Variants in IRAG2 observed in about 807,000 individuals in gnomAD.
IRAG2 encodes lymphoid restricted membrane protein.
Under a neutral mutation model 69.9 loss-of-function variants are expected in IRAG2, and 45 were observed. The observed-to-expected ratio is 0.64, with a 90% CI of 0.51 to 0.83. The LOEUF (loss-of-function observed/expected upper bound fraction) is 0.83, where lower values mean the gene tolerates loss of function less well. Ranked by LOEUF, IRAG2 falls within the 40% of genes least tolerant of loss-of-function variation. IRAG2 has a pLI of 0.00. For synonymous variants in IRAG2, 193 were observed against 202.4 expected, an observed-to-expected ratio of 0.95 and a Z score of 0.40; for missense variants, 520 against 587.0, an observed-to-expected ratio of 0.89 and a Z score of 1.18.
chr12:25,080,265 A>G (rs1027654190), intron 9 of IRAG2, among the ~76,000 whole-genome samples: 1 of 152,126 alleles, frequency 6.6e-6, no homozygotes, highest in African/African-American at 2.4e-5. Flanking sequence ...TCCCAGTGAG[A>G]CACCACTTTA....
intron 8 of IRAG2, among the ~76,000 whole-genome samples, chr12:25,024,641 G>A (rs1944608289): frequency 6.6e-6 from 1 of 152,150 alleles, no homozygotes; most frequent in African/African-American, 2.4e-5. Flanking sequence ...ATGAAGCTAT[G>A]CAGCACAATC....
upstream of IRAG2, among the ~76,000 whole-genome samples, chr12:25,001,379 G>A (rs1944389881): frequency 6.6e-6 from 1 of 152,094 alleles, no homozygotes; most frequent in Admixed American, 6.5e-5. Context: ...TGGGGAGTTG[G>A]AGGTTGCAAT....
At chr12:25,076,552 C>T in intron 6 of IRAG2, 9 of 984,590 alleles carry the variant, frequency 9.1e-6, no homozygotes, top group Non-Finnish European at 1.1e-5. Context: ...TCTCTTTTCC[C>T]CAAACTGGAA....
chr12:25,052,707 GT>G lies in IRAG2; in HGVS notation c.-692del. On this transcript the variant is annotated 5_prime_UTR_variant, in exon 1 of 22. Coordinates refer to ENST00000556887, the MANE Select transcript of IRAG2 (RefSeq NM_001366544.2). The stretch of plus-strand genomic sequence containing the variant: ...CCCTGAGAAGAAAAACACATTTTCA[GT>G]TTTGCCTGCATCATAAGAGTGAGCA... 1 of 398,134 alleles carries G rather than the reference GT, an allele frequency of 2.5e-6. No homozygotes were observed. Among genetic ancestry groups the G allele is most frequent in the Non-Finnish European group, 4.4e-6 (1 of 226,010 alleles). 24.7% of individuals were successfully genotyped at this position (398,134 alleles called of 1,614,324 possible).
chr12:25,098,561 CAG>C (rs1296156124), intron 15 of IRAG2, among the ~76,000 whole-genome samples: 6 of 152,234 alleles, frequency 3.9e-5, no homozygotes, highest in African/African-American at 1.2e-4. Flanking sequence ...CTAATTTACT[CAG>C]AGTCATGGGA....
At chr12:25,057,458 A>G (rs1307244913) in intron 1 of IRAG2, among the ~76,000 whole-genome samples, 1 of 151,584 alleles carries the variant, frequency 6.6e-6, no homozygotes, top group Non-Finnish European at 1.5e-5. Flanking sequence ...AGGATCTTGC[A>G]GTGTTGCCTA....
At chr12:25,030,932 C>A in intron 10 of IRAG2, 1 of 736,016 alleles carries the variant, frequency 1.4e-6, no homozygotes, top group Non-Finnish European at 1.7e-6. Context: ...ATTTGAAACC[C>A]AATTTGATTG....
intron 1 of IRAG2, among the ~76,000 whole-genome samples, chr12:25,056,896 C>T (rs997344104): frequency 6.6e-6 from 1 of 152,136 alleles, no homozygotes; most frequent in Non-Finnish European, 1.5e-5. Context: ...GGGCCTCCCT[C>T]CCCAGAGTCA....
At chr12:25,054,792 T>G (rs748187310) in intron 1 of IRAG2, among the ~76,000 whole-genome samples, 4 of 152,214 alleles carry the variant, frequency 2.6e-5, no homozygotes, top group Non-Finnish European at 4.4e-5. Context: ...CTTACGATCT[T>G]TCTAACAATG....
intron 3 of IRAG2, among the ~76,000 whole-genome samples, chr12:25,012,889 T>C (rs887319563): frequency 6.6e-6 from 1 of 152,216 alleles, no homozygotes. Flanking sequence ...AGGATTAGGA[T>C]GTATAGATAA....
chr12:25,076,609 T>G (rs540175553), intron 6 of IRAG2: 15 of 983,116 alleles, frequency 1.5e-5, no homozygotes, highest in Admixed American at 6.2e-5. Context: ...TCTTTCATAT[T>G]TCTTAAATAT....
chr12:25,046,000 A>C (rs1256073303), intron 16 of IRAG2, among the ~76,000 whole-genome samples: 1 of 152,110 alleles, frequency 6.6e-6, no homozygotes, highest in Non-Finnish European at 1.5e-5. Context: ...ACAAAAGCAC[A>C]TTGAAAGGCT....
chr12:25,008,600 G>A (rs1041621701), intron 2 of IRAG2, among the ~76,000 whole-genome samples: 5 of 152,132 alleles, frequency 3.3e-5, no homozygotes, highest in Non-Finnish European at 4.4e-5. Flanking sequence ...TTACCCAGGC[G>A]TGGTGGCACA....
chr12:25,004,955 C>G, intron 1 of IRAG2: 1 of 1,142,882 alleles, frequency 8.7e-7, no homozygotes, highest in Non-Finnish European at 1.1e-6. Context: ...TCCAATAGAG[C>G]AATAAACATA....
chr12:25,023,945 G>A, intron 8 of IRAG2: 1 of 1,181,588 alleles, frequency 8.5e-7, no homozygotes, highest in African/African-American at 1.6e-5. Context: ...GTTAAACACT[G>A]GCATAGACAA....
At chr12:25,059,756 A>G (rs569567726) in intron 1 of IRAG2, among the ~76,000 whole-genome samples, 1 of 152,326 alleles carries the variant, frequency 6.6e-6, no homozygotes, top group East Asian at 1.9e-4. Context: ...CACTATGTCA[A>G]GCTTGATTGA....
intron 2 of IRAG2, 35 bp from the exon 3 acceptor site, chr12:25,062,785 G>C (rs1945711182): frequency 5.0e-6 from 2 of 398,840 alleles, no homozygotes; most frequent in Non-Finnish European, 8.9e-6. Flanking sequence ...TCATCATTCT[G>C]TCTTTGAATA....
intron 9 of IRAG2, among the ~76,000 whole-genome samples, chr12:25,027,140 A>G (rs1944628538): frequency 6.6e-6 from 1 of 152,020 alleles, no homozygotes; most frequent in African/African-American, 2.4e-5. Flanking sequence ...AGAGTTGTAC[A>G]ACCATCTCCA....
chr12:25,065,680 T>A lies in IRAG2; in HGVS notation c.-206-685T>A, dbSNP rs1945935243. 2.0e-5 allele frequency among the ~76,000 whole-genome samples: 3 copies of A among 152,244 alleles called. 1 individual carries two copies. In the South Asian group the frequency reaches 6.2e-4, roughly 31 times the overall value. On this transcript the variant is annotated intron_variant, in intron 4 of 21. Coordinates refer to ENST00000556887, the MANE Select transcript of IRAG2 (RefSeq NM_001366544.2). ...ACAAATGGGTGCAGCCGTGTTCCAG[T>A]AAAACTTTATTTATTTTTTGAGACA...
Sources: gnomAD v4.1 joint callset for allele counts (sites outside exome capture counted in the v4.1 genomes callset) on GRCh38, gnomAD v4.1.1 for gene constraint, MANE v1.5 for transcripts, NCBI Gene and HGNC (gene_info 2026-07-23, HGNC 2026-07-21) for gene names.